The following RNF34 variants were observed in gnomAD, a reference collection of about 807,000 sequenced individuals.
RNF34 encodes the protein ring finger protein 34, also known as E3 ubiquitin-protein ligase RNF34.
In RNF34, 12 loss-of-function variants were observed where a neutral mutation model predicts 37.9. That is an observed-to-expected ratio of 0.32 (90% confidence interval 0.20 to 0.51). The LOEUF (loss-of-function observed/expected upper bound fraction) is 0.51, where lower values mean the gene tolerates loss of function less well. RNF34 is among the 20% of genes least tolerant of loss of function. RNF34 has a pLI of 0.97. For missense variants in RNF34, 362 were observed against 472.7 expected (o/e 0.77, Z 2.17); for synonymous variants, 155 against 177.2 (o/e 0.87, Z 1.00).
intron 1 of RNF34, among the ~76,000 whole-genome samples, chr12:121,403,624 C>T (rs1358611161): frequency 6.6e-6 from 1 of 152,072 alleles, no homozygotes; most frequent in Non-Finnish European, 1.5e-5. Flanking sequence ...GAGTTTGAAA[C>T]AAACCCTGGA....
rs560473770 is a variant in RNF34 at position 121,412,230 on chromosome 12, CTTTTTTTTTTTTTTT to C, written c.7-3916_7-3902del. ...GCACGTGCCACCATGCCCAACTAAT[CTTTTTTTTTTTTTTT>C]TTTTTTTTTTTTGAGATGGAGTCCC... On this transcript the variant is annotated intron_variant, in intron 1 of 5. Coordinates refer to ENST00000361234, the MANE Select transcript of RNF34 (RefSeq NM_025126.4). 2.8e-3 allele frequency among the ~76,000 whole-genome samples: 138 copies of C among 49,650 alleles called. 1 individual carries two copies. Among genetic ancestry groups the C allele is most frequent in the African/African-American group, 1.0e-2 (126 of 12,656 alleles). 32.6% of individuals were successfully genotyped at this position (49,650 alleles called of 152,430 possible).
chr12:121,422,745 C>T (rs1386159199), intron 5 of RNF34, among the ~76,000 whole-genome samples: 3 of 152,130 alleles, frequency 2.0e-5, no homozygotes, highest in Admixed American at 2.0e-4. Flanking sequence ...TTAACTTATT[C>T]ATCGTCTTTC....
intron 1 of RNF34, among the ~76,000 whole-genome samples, chr12:121,404,189 T>C (rs987586617): frequency 5.3e-5 from 8 of 150,818 alleles, no homozygotes; most frequent in Non-Finnish European, 1.0e-4. Context: ...TCGTATTTAG[T>C]AGAGACGGAG....
chr12:121,423,073 AG>A lies in RNF34; in HGVS notation c.929-312del, dbSNP rs76598395. Among the ~76,000 whole-genome samples, 21 of 152,380 alleles carry A rather than the reference AG, an allele frequency of 1.4e-4. No individual in the cohort carries two copies. In the East Asian group the frequency reaches 3.9e-3, roughly 28 times the overall value. On this transcript the variant is annotated intron_variant, in intron 5 of 5. Transcript: ENST00000361234. The surrounding 1 kb of genome is among the most constrained non-coding windows in gnomAD (Gnocchi z 4.3). ...GCTGAGGGTTTCTTTTTCTAGTTACAGAAGTAATATATCCCTATCACAGATG... is the reference window on the plus strand; with the variant it reads ...GCTGAGGGTTTCTTTTTCTAGTTACAAAGTAATATATCCCTATCACAGATG...
Position 121,417,234 on chromosome 12 carries a change from A to C in RNF34, c.226-270A>C, listed in dbSNP as rs147069367. 1.1e-3 allele frequency among the ~76,000 whole-genome samples: 165 copies of C among 152,348 alleles called. No individual in the cohort carries two copies. Among genetic ancestry groups the C allele is most frequent in the African/African-American group, 3.8e-3 (160 of 41,580 alleles). On this transcript the variant is annotated intron_variant, in intron 2 of 5. Coordinates refer to ENST00000361234, the MANE Select transcript of RNF34 (RefSeq NM_025126.4). The surrounding 1 kb of genome is among the most constrained non-coding windows in gnomAD (Gnocchi z 5.0). Reference sequence around the variant, plus strand: ...TCTGTTTTGTTAATTACATGTTTATACCAAGGGGTGGAAAGGTTTTAATTC... The same window carrying C: ...TCTGTTTTGTTAATTACATGTTTATCCCAAGGGGTGGAAAGGTTTTAATTC...
rs1555283852 is a variant in RNF34 at position 121,423,634 on chromosome 12, C to CT, written c.*58_*59insT. The CT allele has an allele frequency of 7.0e-7, 1 of 1,429,820 alleles. No homozygotes were observed. Among genetic ancestry groups the CT allele is most frequent in the African/African-American group, 1.4e-5 (1 of 71,158 alleles). 88.6% of individuals were successfully genotyped at this position (1,429,820 alleles called of 1,614,324 possible). On this transcript the variant is annotated 3_prime_UTR_variant, in exon 6 of 6. Transcript: ENST00000361234. This position sits in a 1 kb window ranked among gnomAD's most constrained non-coding sequence, Gnocchi z 4.3. ...AAACTTGACCCCCAACATTTCAATG[C>CT]ACAGAAGGGACTGGAAAGTTATGTT... is the stretch of plus-strand genomic sequence containing the variant.
chr12:121,403,889 T>C (rs1870243000), intron 1 of RNF34, among the ~76,000 whole-genome samples: 1 of 150,898 alleles, frequency 6.6e-6, no homozygotes, highest in Non-Finnish European at 1.5e-5. Context: ...TGAATGACTG[T>C]GTAGTAACAT....
chr12:121,418,730 T>G (rs1267745879), intron 3 of RNF34: 1 of 152,292 alleles, frequency 6.6e-6, no homozygotes, highest in East Asian at 1.9e-4. Context: ...AGACTTTTTT[T>G]TTTGTTTGGA....
Position 121,420,679 on chromosome 12 carries a change from G to A in RNF34, c.829G>A (p.Ala277Thr), listed in dbSNP as rs1555283192. The change falls in exon 5 of 6, where the codon GCT (alanine) becomes ACT (threonine). Residue 277 changes from alanine to threonine, a missense_variant. By Grantham distance (58) the Ala-to-Thr change is moderately conservative (BLOSUM62 0). Transcript: ENST00000361234. ...MSVRQLKEIL[A>T]RNFVNYSGCC... ...CGTGCGCCAGCTGAAGGAAATTCTG[G>A]CTCGGAATTTTGTCAACTATTCTGG... is the stretch of plus-strand genomic sequence containing the variant. 1.9e-6 allele frequency: 3 copies of A among 1,613,976 alleles called. No homozygotes were observed. The highest frequency in any genetic ancestry group is 1.3e-5 in the African/African-American group (1 of 74,898).
rs376437787 is a variant in RNF34, at chr12:121,405,787, G to A, written c.6+5569G>A. Among the ~76,000 whole-genome samples, 10 of 146,492 alleles carry A rather than the reference G, an allele frequency of 6.8e-5. No homozygotes were observed. In the East Asian group the frequency reaches 2.1e-3, roughly 30 times the overall value. ...GCGTGAGCCACCGTGTCCGGCCTCT[G>A]TCTTATTTCTTTTTTTTTTTTCTTG... On this transcript the variant is annotated intron_variant, in intron 1 of 5. Coordinates refer to ENST00000361234, the MANE Select transcript of RNF34 (RefSeq NM_025126.4).
intron 1 of RNF34, among the ~76,000 whole-genome samples, chr12:121,413,305 G>A (rs1448884434): frequency 6.6e-6 from 1 of 152,182 alleles, no homozygotes; most frequent in Admixed American, 6.6e-5. Context: ...GGGATTACAG[G>A]CATAAGCCAC....
At chr12:121,403,835 A>G (rs1870236120) in intron 1 of RNF34, among the ~76,000 whole-genome samples, 1 of 152,168 alleles carries the variant, frequency 6.6e-6, no homozygotes, top group African/African-American at 2.4e-5. Context: ...AGAAGAGTCT[A>G]TGGGTTTATT....
chr12:121,415,034 T>C (rs1461994083), intron 1 of RNF34, among the ~76,000 whole-genome samples: 1 of 152,010 alleles, frequency 6.6e-6, no homozygotes, highest in East Asian at 1.9e-4. Flanking sequence ...AGGCGGACGT[T>C]GCAGTGAGCC....
At chr12:121,421,372 A>G (rs888456349) in intron 5 of RNF34, among the ~76,000 whole-genome samples, 6 of 53,902 alleles carry the variant, frequency 1.1e-4, no homozygotes, top group Non-Finnish European at 2.1e-4. Context: ...TCCCATCTCT[A>G]AAAAAAAAAA....
intron 1 of RNF34, among the ~76,000 whole-genome samples, chr12:121,414,382 T>A (rs930242040): frequency 6.6e-6 from 1 of 152,252 alleles, no homozygotes; most frequent in Non-Finnish European, 1.5e-5. Context: ...TGGCCCTCGC[T>A]GAAAATTTAT....
chr12:121,423,605 C>A lies in RNF34; in HGVS notation c.*29C>A. The A allele has an allele frequency of 6.3e-7, 1 of 1,592,362 alleles. No homozygotes were observed. Among genetic ancestry groups the A allele is most frequent in the South Asian group, 1.1e-5 (1 of 89,282 alleles). ...AGGCTCCCCTCACCAGGACAGTCACCCCCAAACTTGACCCCCAACATTTCA... is the reference window on the plus strand; with the variant it reads ...AGGCTCCCCTCACCAGGACAGTCACACCCAAACTTGACCCCCAACATTTCA... On this transcript the variant is annotated 3_prime_UTR_variant, in exon 6 of 6. Coordinates refer to ENST00000361234, the MANE Select transcript of RNF34 (RefSeq NM_025126.4). The surrounding 1 kb of genome is among the most constrained non-coding windows in gnomAD (Gnocchi z 4.3).
intron 1 of RNF34, chr12:121,409,592 GGT>G (rs1555281107): frequency 6.6e-6 from 1 of 152,156 alleles, no homozygotes; most frequent in Admixed American, 6.6e-5. Context: ...AAAAAATTCT[GGT>G]GCCCAGGCTG....
chr12:121,416,797 C>A (rs78719350), intron 2 of RNF34, among the ~76,000 whole-genome samples: 29,103 of 152,162 alleles, frequency 0.19, 4,300 homozygotes, highest in African/African-American at 0.41. Flanking sequence ...GATTCAACAT[C>A]AAATACTTAG....
At chr12:121,409,391 C>G (rs1471632139) in intron 1 of RNF34, 1 of 152,134 alleles carries the variant, frequency 6.6e-6, no homozygotes, top group Non-Finnish European at 1.5e-5. Context: ...AGTATGTTGC[C>G]GAGGCATTAG....
Sources: gnomAD v4.1 joint callset for allele counts (sites outside exome capture counted in the v4.1 genomes callset) on GRCh38, gnomAD v4.1.1 for gene constraint, Gnocchi (gnomAD v3.1) non-coding constraint, MANE v1.5 for transcripts, NCBI Gene and HGNC (gene_info 2026-07-23, HGNC 2026-07-21) for gene names.